Variants in MIPOL1 observed in about 807,000 individuals in gnomAD.
The protein encoded by MIPOL1 is mirror-image polydactyly 1.
In MIPOL1, 57 loss-of-function variants were observed where a neutral mutation model predicts 60.9. The observed-to-expected ratio is 0.94, with a 90% CI of 0.76 to 1.17. MIPOL1 has a LOEUF of 1.17. Among genes scored for constraint, MIPOL1 ranks in the 50% most tolerant of loss-of-function variants. The pLI, the probability that MIPOL1 is intolerant of heterozygous loss-of-function variation, is 0.00. For synonymous variants in MIPOL1, 179 were observed against 168.8 expected (o/e 1.06, Z -0.47); for missense variants, 551 against 511.6 (o/e 1.08, Z -0.74).
chr14:37,241,769 G>C (rs909300848), intron 1 of MIPOL1, among the ~76,000 whole-genome samples: 2 of 152,084 alleles, frequency 1.3e-5, no homozygotes, highest in Admixed American at 1.3e-4. Flanking sequence ...TTAGAACCCT[G>C]AATTTAGACT....
chr14:37,409,332 G>A (rs1475933712), intron 10 of MIPOL1, among the ~76,000 whole-genome samples: 2 of 152,122 alleles, frequency 1.3e-5, no homozygotes, highest in Admixed American at 1.3e-4. Context: ...TAAATAAATA[G>A]AGTATGAACC....
At chr14:37,471,275 G>T (rs993519472) in intron 11 of MIPOL1, among the ~76,000 whole-genome samples, 3 of 152,102 alleles carry the variant, frequency 2.0e-5, no homozygotes, top group Admixed American at 6.5e-5. Context: ...AGAATAAACA[G>T]GAATATTTTC....
chr14:37,541,687 T>C (rs1162330186), intron 12 of MIPOL1, among the ~76,000 whole-genome samples: 2 of 152,306 alleles, frequency 1.3e-5, no homozygotes, highest in Admixed American at 6.5e-5. Context: ...ATGAGGAAAA[T>C]TGAATCTAGC....
At chr14:37,402,122 A>C (rs963616973) in intron 10 of MIPOL1, among the ~76,000 whole-genome samples, 7 of 152,284 alleles carry the variant, frequency 4.6e-5, no homozygotes, top group Non-Finnish European at 1.0e-4. Flanking sequence ...AGGGATATGC[A>C]TGCTGGGTAA....
chr14:37,288,372 C>T (rs2084767716), intron 7 of MIPOL1, among the ~76,000 whole-genome samples: 1 of 152,012 alleles, frequency 6.6e-6, no homozygotes, highest in South Asian at 2.1e-4. Flanking sequence ...TTGTCAGGAA[C>T]TGTAATTACT....
intron 12 of MIPOL1, among the ~76,000 whole-genome samples, chr14:37,520,633 T>C (rs575864685): frequency 2.1e-4 from 32 of 152,274 alleles, no homozygotes; most frequent in African/African-American, 7.7e-4. Flanking sequence ...GTATATTCTC[T>C]AGGTAGTGTT....
chr14:37,492,336 A>T (rs1291407156), intron 11 of MIPOL1, among the ~76,000 whole-genome samples: 1 of 152,208 alleles, frequency 6.6e-6, no homozygotes, highest in African/African-American at 2.4e-5. Flanking sequence ...AAAAAGAATG[A>T]TTTAAGAATG....
chr14:37,355,220 T>G (rs1319742483), intron 9 of MIPOL1, among the ~76,000 whole-genome samples: 1 of 143,612 alleles, frequency 7.0e-6, no homozygotes, highest in African/African-American at 2.6e-5. Context: ...TCTTTAAGAA[T>G]GTTGAATATT....
At chr14:37,338,896 G>A (rs1187912929) in intron 9 of MIPOL1, among the ~76,000 whole-genome samples, 1 of 152,062 alleles carries the variant, frequency 6.6e-6, no homozygotes, top group African/African-American at 2.4e-5. Context: ...AGAAACCATA[G>A]GAAAATGCCT....
At chr14:37,201,326 G>C (rs1177015688) in intron 1 of MIPOL1, among the ~76,000 whole-genome samples, 1 of 152,074 alleles carries the variant, frequency 6.6e-6, no homozygotes, top group African/African-American at 2.4e-5. Context: ...ATTCTTGTCT[G>C]AATTGTTTTT....
intron 12 of MIPOL1, among the ~76,000 whole-genome samples, chr14:37,545,125 T>C (rs1945171598): frequency 6.6e-6 from 1 of 152,234 alleles, no homozygotes; most frequent in Non-Finnish European, 1.5e-5. Flanking sequence ...ATTTAGCCAG[T>C]TTGCAAGTAA....
intron 7 of MIPOL1, among the ~76,000 whole-genome samples, chr14:37,304,328 T>A (rs1283553106): frequency 6.6e-6 from 1 of 151,708 alleles, no homozygotes; most frequent in African/African-American, 2.4e-5. Context: ...TTAATGCTTT[T>A]TCTCTTTTTT....
Position 37,459,662 on chromosome 14 carries a change from C to T in MIPOL1, c.1031+36713C>T, listed in dbSNP as rs568137389. Among the ~76,000 whole-genome samples, 258 of 152,248 alleles carry T rather than the reference C, an allele frequency of 1.7e-3. 1 individual carries two copies. Among genetic ancestry groups the T allele is most frequent in the African/African-American group, 5.9e-3 (244 of 41,546 alleles). ...GAAGAGGAGGGATTTCTCCCTAACCCGTTCTATGAAACCATCATCACCCTA... is the reference window on the plus strand; with the variant it reads ...GAAGAGGAGGGATTTCTCCCTAACCTGTTCTATGAAACCATCATCACCCTA... On this transcript the variant is annotated intron_variant, in intron 11 of 12. Transcript: ENST00000684589.
chr14:37,493,225 A>C (rs2095070279), intron 11 of MIPOL1, among the ~76,000 whole-genome samples: 1 of 152,238 alleles, frequency 6.6e-6, no homozygotes, highest in African/African-American at 2.4e-5. Flanking sequence ...TAATTGCAAA[A>C]GTAAGCTTAA....
At chr14:37,391,556 C>T (rs2093242008) in intron 10 of MIPOL1, among the ~76,000 whole-genome samples, 1 of 151,918 alleles carries the variant, frequency 6.6e-6, no homozygotes, top group Non-Finnish European at 1.5e-5. Context: ...CCACCACGTC[C>T]AGCTAATTTT....
chr14:37,229,235 T>G (rs1266088026), intron 1 of MIPOL1, among the ~76,000 whole-genome samples: 1 of 152,154 alleles, frequency 6.6e-6, no homozygotes, highest in African/African-American at 2.4e-5. Context: ...CAGCTCACTG[T>G]AACCTCCTCC....
chr14:37,424,229 T>C (rs1416623011), intron 11 of MIPOL1, among the ~76,000 whole-genome samples: 1 of 152,194 alleles, frequency 6.6e-6, no homozygotes, highest in Admixed American at 6.6e-5. Context: ...TAACCCCTGC[T>C]ATCTGAGAAT....
chr14:37,198,968 A>G (rs1003013281), intron 1 of MIPOL1, among the ~76,000 whole-genome samples: 3 of 151,794 alleles, frequency 2.0e-5, no homozygotes, highest in African/African-American at 7.3e-5. Context: ...TGCCAATAAA[A>G]TTAATTAAAA....
At chr14:37,428,146 C>T (rs2093997571) in intron 11 of MIPOL1, among the ~76,000 whole-genome samples, 1 of 152,088 alleles carries the variant, frequency 6.6e-6, no homozygotes, top group Non-Finnish European at 1.5e-5. Flanking sequence ...AGTCAGAATA[C>T]AGCCGGCATG....
Sources: gnomAD v4.1 joint callset for allele counts (sites outside exome capture counted in the v4.1 genomes callset) on GRCh38, gnomAD v4.1.1 for gene constraint, MANE v1.5 for transcripts, NCBI Gene and HGNC (gene_info 2026-07-23, HGNC 2026-07-21) for gene names.